The following ANKRD36 variants were observed in gnomAD, a reference collection of about 807,000 sequenced individuals.
ANKRD36 encodes the protein ankyrin repeat domain 36, also known as ankyrin repeat domain-containing protein 36A.
Under a neutral mutation model 278.1 loss-of-function variants are expected in ANKRD36, and 179 were observed. The observed-to-expected ratio is 0.64, with a 90% confidence interval of 0.57 to 0.73. The LOEUF is 0.73. Ranked by LOEUF, ANKRD36 falls within the 30% of genes least tolerant of loss-of-function variation. The pLI is 0.00. For missense variants in ANKRD36, 1,159 were observed against 1,956.7 expected, an observed-to-expected ratio of 0.59 and a Z score of 7.69; for synonymous variants, 320 against 641.1, an observed-to-expected ratio of 0.50 and a Z score of 7.57.
At position 97,183,477 on chromosome 2, in the gene ANKRD36, C is replaced by G; in HGVS notation, c.1856C>G (p.Ser619Trp). 2 of 1,565,220 alleles carry G rather than the reference C, an allele frequency of 1.3e-6. No individual in the cohort carries two copies. Among genetic ancestry groups the G allele is most frequent in the South Asian group, 2.4e-5 (2 of 84,692 alleles). The change falls in exon 27 of 76, where the codon TCG (serine) becomes TGG (tryptophan). Residue 619 changes from serine to tryptophan, a missense_variant. Physicochemically the swap from Ser to Trp is radical, Grantham distance 177. Coordinates refer to ENST00000420699, the MANE Select transcript of ANKRD36 (RefSeq NM_001354587.1). ...QSGTVSPQKQ[S>W]AWKVIFKKKV... The stretch of plus-strand genomic sequence containing the variant: ...TTTTCAGTGTCTCCTCAGAAACAAT[C>G]GGCCTGGAAGGTAGTTACTCTTTCA...
chr2:97,129,243 A>C (rs1472744001), intron 6 of ANKRD36, among the ~76,000 whole-genome samples: 4 of 151,906 alleles, frequency 2.6e-5, no homozygotes, highest in Non-Finnish European at 5.9e-5. Flanking sequence ...GCATTTTTTC[A>C]TGTTTTTTGG....
rs1437809705 is a variant in ANKRD36, at chr2:97,136,856, G to C, written c.800-5784G>C. On this transcript the variant is annotated intron_variant, in intron 6 of 75. Coordinates refer to ENST00000420699, the MANE Select transcript of ANKRD36 (RefSeq NM_001354587.1). Reference sequence around the variant, plus strand: ...ACTAATGATGCCATTTTCTGTCAGTGTGATAGGATTCTGTTAGAATTATGA... The same window carrying C: ...ACTAATGATGCCATTTTCTGTCAGTCTGATAGGATTCTGTTAGAATTATGA... Among the ~76,000 whole-genome samples, 7 of 152,108 alleles carry C rather than the reference G, an allele frequency of 4.6e-5. No homozygotes were observed. In the East Asian group the frequency reaches 1.4e-3, roughly 29 times the overall value.
chr2:97,225,411 C>A (rs1189696883), intron 67 of ANKRD36, among the ~76,000 whole-genome samples: 1 of 152,048 alleles, frequency 6.6e-6, no homozygotes, highest in East Asian at 2.0e-4. Context: ...GAGAATTATA[C>A]CTTGCAGAAT....
In ANKRD36 at chr2:97,187,166, A is replaced by G. The variant is rs766249972; in HGVS notation, c.2042-32A>G. ...TATGGAAAATGTATCATATTTACAT[A>G]TGAGTGATTATGTATCCCTTTTGCT... is the stretch of plus-strand genomic sequence containing the variant. On this transcript the variant is annotated intron_variant, in intron 30 of 75. Transcript: ENST00000420699. 4 of 1,608,694 alleles carry G rather than the reference A, an allele frequency of 2.5e-6. No individual in the cohort carries two copies. The Admixed American group carries it at 6.7e-5, about 27-fold the overall frequency.
At chr2:97,149,198 AT>A in intron 11 of ANKRD36, 96 bp from the exon 12 acceptor site, 15 of 976,838 alleles carry the variant, frequency 1.5e-5, no homozygotes, top group African/African-American at 3.2e-5. Context: ...TTGTTTTACC[AT>A]TTTTTTGGAG....
chr2:97,174,734 C>A (rs1389016343), intron 22 of ANKRD36, among the ~76,000 whole-genome samples: 2 of 151,766 alleles, frequency 1.3e-5, no homozygotes, highest in Non-Finnish European at 2.9e-5. Context: ...CCAGTTTTTG[C>A]CCATTCAGTA....
At chr2:97,228,465 G>C (rs1410990039) in intron 67 of ANKRD36, among the ~76,000 whole-genome samples, 1 of 152,248 alleles carries the variant, frequency 6.6e-6, no homozygotes, top group East Asian at 2.0e-4. Flanking sequence ...TTGTATTTCT[G>C]TGGGATCGGT....
intron 58 of ANKRD36, among the ~76,000 whole-genome samples, 178 bp downstream of exon 58, chr2:97,211,919 G>A (rs1400558542): frequency 2.6e-5 from 4 of 151,870 alleles, no homozygotes; most frequent in Non-Finnish European, 4.4e-5. Flanking sequence ...GGCCATGATG[G>A]AAGTACTAAG....
At chr2:97,196,943 T>A (rs2059932118) in intron 42 of ANKRD36, among the ~76,000 whole-genome samples, 155 bp downstream of exon 42, 1 of 151,928 alleles carries the variant, frequency 6.6e-6, no homozygotes, top group African/African-American at 2.4e-5. Flanking sequence ...GTGATGCTGA[T>A]GCTGCTGGTC....
chr2:97,200,424 T>C (rs766470365), intron 45 of ANKRD36, 29 bp from the exon 46 acceptor site: 2 of 1,600,608 alleles, frequency 1.2e-6, no homozygotes, highest in Non-Finnish European at 1.7e-6. Flanking sequence ...ACATACCTTA[T>C]TTATTACTTT....
At chr2:97,240,834 T>TG (rs2074187643) in intron 68 of ANKRD36, among the ~76,000 whole-genome samples, 1 of 117,796 alleles carries the variant, frequency 8.5e-6, no homozygotes, top group Non-Finnish European at 1.7e-5. Flanking sequence ...GCACAGCACA[T>TG]GCTGCAAACT....
rs750407752 is a variant in ANKRD36 at position 97,191,106 on chromosome 2, C to A, written c.2275-3C>A. ...TTATTACTTTCTTTCAAATTCCATT[C>A]AGGCTACAACTGATGAGAAAGATTC... On this transcript the variant is annotated splice_polypyrimidine_tract_variant and splice_region_variant and intron_variant, in intron 35 of 75. Transcript: ENST00000420699. The A allele has an allele frequency of 8.1e-6, 13 of 1,595,538 alleles. No individual in the cohort carries two copies. The highest frequency in any genetic ancestry group is 8.1e-5 in the African/African-American group (6 of 73,960).
chr2:97,179,606 T>C (rs1372995945), intron 22 of ANKRD36, 132 bp from the exon 23 acceptor site: 10 of 973,838 alleles, frequency 1.0e-5, no homozygotes, highest in Non-Finnish European at 1.5e-5. Flanking sequence ...AAACAAAGTA[T>C]AAAATATCAA....
At chr2:97,170,246 C>G (rs111480272) in intron 22 of ANKRD36, among the ~76,000 whole-genome samples, 2 of 149,902 alleles carry the variant, frequency 1.3e-5, no homozygotes, top group Admixed American at 1.3e-4. Flanking sequence ...AAACTGGACC[C>G]CTTCCTTACA....
chr2:97,203,424 A>G (rs1429819613), intron 48 of ANKRD36, among the ~76,000 whole-genome samples: 2 of 151,844 alleles, frequency 1.3e-5, no homozygotes, highest in Admixed American at 1.3e-4. Context: ...GACTGGATGA[A>G]GAAACTTTTG....
At chr2:97,197,032 G>T (rs2059963217) in intron 42 of ANKRD36, among the ~76,000 whole-genome samples, 1 of 152,022 alleles carries the variant, frequency 6.6e-6, no homozygotes, top group Non-Finnish European at 1.5e-5. Context: ...AGCAGTTGAA[G>T]ACATAAGGGT....
At chr2:97,225,961 T>C (rs1472325104) in intron 67 of ANKRD36, among the ~76,000 whole-genome samples, 4 of 151,814 alleles carry the variant, frequency 2.6e-5, no homozygotes, top group Non-Finnish European at 5.9e-5. Context: ...GAACTCATCA[T>C]TTTTTATGGC....
chr2:97,228,229 AC>A (rs1470207969), intron 67 of ANKRD36, among the ~76,000 whole-genome samples: 6 of 152,164 alleles, frequency 3.9e-5, no homozygotes, highest in South Asian at 2.1e-4. Context: ...TCCTCCTTGT[AC>A]CTCTGGTAGA....
chr2:97,200,230 T>A lies in ANKRD36; in HGVS notation c.2756-104T>A, dbSNP rs1366688983. 1.1e-5 allele frequency: 17 copies of A among 1,588,558 alleles called. 1 individual carries two copies. In the East Asian group the frequency reaches 1.6e-4, roughly 15 times the overall value. ...AAGTAGAAGCCATCAAAGCCTCCAC[T>A]AATACAAGCAGGAGGACAGAGGTTG... On this transcript the variant is annotated intron_variant, in intron 44 of 75. Coordinates refer to ENST00000420699, the MANE Select transcript of ANKRD36 (RefSeq NM_001354587.1).
Sources: allele counts gnomAD v4.1 joint callset (sites outside exome capture counted in the v4.1 genomes callset), GRCh38; gene constraint gnomAD v4.1.1; transcripts MANE v1.5; gene names NCBI Gene and HGNC (gene_info 2026-07-23, HGNC 2026-07-21).